The following OSTN variants were observed in gnomAD, a reference collection of about 807,000 sequenced individuals.
The protein encoded by OSTN is osteocrin.
OSTN carries 9 observed loss-of-function variants against 12.0 expected under a neutral mutation model. The observed-to-expected ratio is 0.75, with a 90% confidence interval of 0.45 to 1.30. The LOEUF is 1.30. Ranked by LOEUF, OSTN falls within the 50% of genes most tolerant of loss-of-function variation. The pLI is 0.00. For missense variants in OSTN, 148 were observed against 152.3 expected (o/e 0.97, Z 0.15); for synonymous variants, 59 against 56.9 (o/e 1.04, Z -0.16).
chr3:191,225,284 C>T (rs995070039), intron 3 of OSTN, among the ~76,000 whole-genome samples: 8 of 151,930 alleles, frequency 5.3e-5, no homozygotes, highest in Non-Finnish European at 7.4e-5. Flanking sequence ...CTCCAATTAC[C>T]GTTTCTTTAA....
chr3:191,259,377 A>AT (rs35261283), intron 4 of OSTN, among the ~76,000 whole-genome samples: 1 of 151,776 alleles, frequency 6.6e-6, no homozygotes, highest in Non-Finnish European at 1.5e-5. Flanking sequence ...TAATTTTTGT[A>AT]TTTTTAGTAG....
chr3:191,241,314 A>C (rs748945096), intron 3 of OSTN, among the ~76,000 whole-genome samples: 1 of 151,386 alleles, frequency 6.6e-6, no homozygotes, highest in East Asian at 1.9e-4. Context: ...TACCGAGTAG[A>C]TGGGAATACA....
intron 3 of OSTN, among the ~76,000 whole-genome samples, chr3:191,234,924 T>G (rs1715152375): frequency 6.6e-6 from 1 of 152,012 alleles, no homozygotes. Context: ...ATCAGCCTCC[T>G]AGGACTGAAA....
intron 3 of OSTN, among the ~76,000 whole-genome samples, chr3:191,226,302 A>G (rs1476383691): frequency 1.3e-5 from 2 of 152,164 alleles, no homozygotes; most frequent in South Asian, 2.1e-4. Context: ...GATTATATCA[A>G]TAGGTGACAG....
intron 3 of OSTN, among the ~76,000 whole-genome samples, chr3:191,221,296 T>C (rs1406489569): frequency 1.3e-5 from 2 of 151,496 alleles, no homozygotes; most frequent in South Asian, 2.1e-4. Flanking sequence ...CCACAGAGAG[T>C]GGGGTGCTGC....
chr3:191,233,751 TG>T (rs1384944241), intron 3 of OSTN, among the ~76,000 whole-genome samples: 1 of 152,170 alleles, frequency 6.6e-6, no homozygotes, highest in Non-Finnish European at 1.5e-5. Context: ...CCCAGCACTT[TG>T]GGAGGCCGAG....
intron 4 of OSTN, among the ~76,000 whole-genome samples, chr3:191,258,791 G>A (rs1448392371): frequency 6.6e-6 from 1 of 152,066 alleles, no homozygotes; most frequent in African/African-American, 2.4e-5. Context: ...AAACCGCACC[G>A]TTGTTCATCT....
At chr3:191,218,706 CTT>C in intron 2 of OSTN, 39 bp from the exon 3 acceptor site, 3 of 1,545,206 alleles carry the variant, frequency 1.9e-6, no homozygotes, top group Non-Finnish European at 1.8e-6. Context: ...CTTGGAGTCT[CTT>C]TGTCTAAATT....
chr3:191,223,678 A>T (rs929873914), intron 3 of OSTN, among the ~76,000 whole-genome samples: 1 of 152,172 alleles, frequency 6.6e-6, no homozygotes, highest in Non-Finnish European at 1.5e-5. Context: ...GAAAACAGAG[A>T]GGTGCAAGAT....
At chr3:191,237,401 G>T (rs1715217412) in intron 3 of OSTN, among the ~76,000 whole-genome samples, 1 of 152,182 alleles carries the variant, frequency 6.6e-6, no homozygotes, top group Non-Finnish European at 1.5e-5. Flanking sequence ...TGACTGAGGG[G>T]CATAAAGCAG....
chr3:191,237,844 G>A (rs1312650207), intron 3 of OSTN, among the ~76,000 whole-genome samples: 1 of 152,150 alleles, frequency 6.6e-6, no homozygotes, highest in African/African-American at 2.4e-5. Context: ...TTTCCTGGTG[G>A]GATGTGGGGG....
At chr3:191,226,002 AG>A (rs1237538283) in intron 3 of OSTN, among the ~76,000 whole-genome samples, 5 of 152,204 alleles carry the variant, frequency 3.3e-5, no homozygotes, top group African/African-American at 1.2e-4. Flanking sequence ...ACTTTGTAAA[AG>A]AATAAAATGT....
chr3:191,244,191 T>C (rs1055698015), intron 3 of OSTN, among the ~76,000 whole-genome samples: 2 of 152,148 alleles, frequency 1.3e-5, no homozygotes, highest in African/African-American at 2.4e-5. Flanking sequence ...TGCTGTTTTT[T>C]GGAATGTAAA....
intron 4 of OSTN, among the ~76,000 whole-genome samples, chr3:191,254,204 G>A (rs573490552): frequency 8.5e-5 from 13 of 152,238 alleles, no homozygotes; most frequent in Non-Finnish European, 1.3e-4. Context: ...TAAGGAAATA[G>A]AAAAAAACAA....
intron 3 of OSTN, among the ~76,000 whole-genome samples, chr3:191,233,810 A>G (rs1243237882): frequency 2.6e-5 from 4 of 152,140 alleles, no homozygotes; most frequent in East Asian, 3.9e-4. Flanking sequence ...CATGACCAAC[A>G]TGGTGAAACA....
chr3:191,201,682 G>C (rs9822421), intron 1 of OSTN, among the ~76,000 whole-genome samples: 1 of 151,808 alleles, frequency 6.6e-6, no homozygotes, highest in Non-Finnish European at 1.5e-5. Context: ...TAACTCTCTA[G>C]AGTGAAATTT....
chr3:191,214,005 A>C (rs1266954914), intron 2 of OSTN, among the ~76,000 whole-genome samples: 1 of 152,200 alleles, frequency 6.6e-6, no homozygotes, highest in Non-Finnish European at 1.5e-5. Context: ...GAATAGTTTG[A>C]AACCATATTG....
intron 1 of OSTN, among the ~76,000 whole-genome samples, chr3:191,203,168 G>A (rs1560111376): frequency 6.6e-6 from 1 of 152,106 alleles, no homozygotes; most frequent in South Asian, 2.1e-4. Flanking sequence ...AAGAAAGCTG[G>A]GATATTAGTA....
chr3:191,251,918 G>A (rs1302222815), intron 4 of OSTN, among the ~76,000 whole-genome samples: 3 of 152,190 alleles, frequency 2.0e-5, no homozygotes, highest in Non-Finnish European at 4.4e-5. Flanking sequence ...AGAACATTAT[G>A]ACAGTGAGAT....
Sources: allele counts gnomAD v4.1 joint callset (sites outside exome capture counted in the v4.1 genomes callset), GRCh38; gene constraint gnomAD v4.1.1; transcripts MANE v1.5; gene names NCBI Gene and HGNC (gene_info 2026-07-23, HGNC 2026-07-21).